METTL15: variants seen among roughly 807,000 people sequenced by gnomAD.
The protein encoded by METTL15 is 12S rRNA N(4)-cytidine methyltransferase METTL15.
In METTL15, 34 loss-of-function variants were observed where a neutral mutation model predicts 38.3. That is an observed-to-expected ratio of 0.89 (90% CI 0.68 to 1.18). METTL15 has a LOEUF of 1.18. METTL15 is among the 50% of genes most tolerant of loss of function. The pLI is 0.00. For synonymous variants in METTL15, 162 were observed against 170.9 expected (o/e 0.95, Z 0.41); for missense variants, 438 against 498.4 (o/e 0.88, Z 1.15).
At chr11:28,517,795 A>ATTCCTCCT (rs1851731721) in intron 6 of METTL15, among the ~76,000 whole-genome samples, 1 of 152,126 alleles carries the variant, frequency 6.6e-6, no homozygotes, top group Admixed American at 6.5e-5. Flanking sequence ...TTTTTCAGAA[A>ATTCCTCCT]CCTCAGGGAG....
intron 6 of METTL15, among the ~76,000 whole-genome samples, chr11:28,462,680 A>G (rs1469724592): frequency 6.6e-6 from 1 of 151,996 alleles, no homozygotes; most frequent in African/African-American, 2.4e-5. Context: ...AACACCAAAG[A>G]CCAGTGGGAT....
chr11:28,467,544 C>T (rs1851267222), intron 6 of METTL15, among the ~76,000 whole-genome samples: 1 of 152,124 alleles, frequency 6.6e-6, no homozygotes, highest in Admixed American at 6.5e-5. Context: ...TCTGGAAGTC[C>T]TCCTCAACAC....
chr11:28,504,371 G>A (rs1166279514), intron 6 of METTL15, among the ~76,000 whole-genome samples: 2 of 152,122 alleles, frequency 1.3e-5, no homozygotes, highest in African/African-American at 4.8e-5. Flanking sequence ...AGGAGCAGTT[G>A]TAATTCATTT....
intron 4 of METTL15, among the ~76,000 whole-genome samples, chr11:28,218,485 A>T (rs903344296): frequency 3.3e-5 from 5 of 152,198 alleles, no homozygotes; most frequent in African/African-American, 1.2e-4. Flanking sequence ...TTCTAGATAT[A>T]CAATCATGTC....
At chr11:28,520,520 C>T (rs1183795574) in intron 6 of METTL15, among the ~76,000 whole-genome samples, 1 of 152,026 alleles carries the variant, frequency 6.6e-6, no homozygotes, top group Non-Finnish European at 1.5e-5. Flanking sequence ...CCTTGCCACC[C>T]AAGAGATATT....
chr11:28,348,866 T>C (rs1850018696), intron 3 of METTL15, among the ~76,000 whole-genome samples: 1 of 152,216 alleles, frequency 6.6e-6, no homozygotes, highest in Non-Finnish European at 1.5e-5. Flanking sequence ...TTTTAATATG[T>C]CTGCATTCTT....
intron 4 of METTL15, among the ~76,000 whole-genome samples, chr11:28,361,345 T>C (rs375058103): frequency 1.8e-4 from 27 of 151,790 alleles, no homozygotes; most frequent in East Asian, 5.8e-4. Flanking sequence ...TTTTAATGAT[T>C]GCCATTCTAA....
At chr11:28,119,564 A>C (rs2133602949) in intron 3 of METTL15, among the ~76,000 whole-genome samples, 1 of 152,350 alleles carries the variant, frequency 6.6e-6, no homozygotes, top group African/African-American at 2.4e-5. Context: ...TATGATGACA[A>C]ATAGTTTAAA....
chr11:28,245,630 C>T (rs1430510463), intron 4 of METTL15, among the ~76,000 whole-genome samples: 1 of 152,142 alleles, frequency 6.6e-6, no homozygotes, highest in Non-Finnish European at 1.5e-5. Flanking sequence ...GGTCCATTCT[C>T]ACATTGCTAT....
chr11:28,473,148 G>A (rs1026796880), intron 6 of METTL15, among the ~76,000 whole-genome samples: 5 of 152,150 alleles, frequency 3.3e-5, no homozygotes, highest in Admixed American at 3.3e-4. Flanking sequence ...CAATACTCAT[G>A]GCTGTGTGTA....
chr11:28,433,404 C>G (rs1850953001), intron 6 of METTL15, among the ~76,000 whole-genome samples: 1 of 152,164 alleles, frequency 6.6e-6, no homozygotes, highest in Non-Finnish European at 1.5e-5. Context: ...AGGAAGACCT[C>G]TGTTTGAACT....
chr11:28,474,290 G>A (rs1321839416), intron 6 of METTL15, among the ~76,000 whole-genome samples: 1 of 151,560 alleles, frequency 6.6e-6, no homozygotes, highest in Non-Finnish European at 1.5e-5. Context: ...CTCCCCCCTT[G>A]TGATAAATAT....
At chr11:28,320,294 G>A (rs544610471) in intron 6 of METTL15, among the ~76,000 whole-genome samples, 2 of 150,872 alleles carry the variant, frequency 1.3e-5, no homozygotes, top group Non-Finnish European at 2.9e-5. Context: ...GGTGGTTAAC[G>A]GCTATAATCA....
intron 3 of METTL15, among the ~76,000 whole-genome samples, chr11:28,156,713 AT>A (rs1459977859): frequency 6.6e-6 from 1 of 152,152 alleles, no homozygotes; most frequent in African/African-American, 2.4e-5. Flanking sequence ...GAGCTTTCAG[AT>A]TTGCCTGTAG....
intron 6 of METTL15, among the ~76,000 whole-genome samples, chr11:28,517,976 A>G (rs1461842768): frequency 6.6e-6 from 1 of 152,236 alleles, no homozygotes; most frequent in Non-Finnish European, 1.5e-5. Flanking sequence ...ACTTGCAAAC[A>G]GAAACACATT....
chr11:28,432,335 TAAGTAAAAGAATC>T (rs1467250923), intron 6 of METTL15, among the ~76,000 whole-genome samples: 1 of 152,234 alleles, frequency 6.6e-6, no homozygotes, highest in Admixed American at 6.5e-5. Flanking sequence ...TTTAAGGAAT[TAAGTAAAAGAATC>T]AATAATTATG....
At chr11:28,213,718 C>T (rs937556422) in intron 4 of METTL15, among the ~76,000 whole-genome samples, 1 of 148,994 alleles carries the variant, frequency 6.7e-6, no homozygotes, top group African/African-American at 2.5e-5. Context: ...TGCAGTGGCG[C>T]TATCTCGGCT....
chr11:28,418,692 G>A (rs189610557), intron 5 of METTL15, among the ~76,000 whole-genome samples: 89 of 152,278 alleles, frequency 5.8e-4, no homozygotes, highest in South Asian at 2.7e-3. Context: ...AGAAAAGACA[G>A]TTTTGAATTG....
chr11:28,417,482 G>C (rs780212209), intron 5 of METTL15, among the ~76,000 whole-genome samples: 2 of 152,156 alleles, frequency 1.3e-5, no homozygotes, highest in Non-Finnish European at 2.9e-5. Context: ...ATCACAAAAA[G>C]CTCAGATTGT....
Sources: allele counts gnomAD v4.1 joint callset (sites outside exome capture counted in the v4.1 genomes callset), GRCh38; gene constraint gnomAD v4.1.1; transcripts MANE v1.5; gene names NCBI Gene and HGNC (gene_info 2026-07-23, HGNC 2026-07-21).